The following NFIX variants were observed in gnomAD, a reference collection of about 807,000 sequenced individuals.
The protein encoded by NFIX is nuclear factor 1 X-type.
A neutral mutation model predicts 53.3 loss-of-function variants in NFIX; 2 were observed. The observed-to-expected ratio is 0.04, with a 90% confidence interval of 0.02 to 0.12. The LOEUF (loss-of-function observed/expected upper bound fraction) is 0.12. NFIX is among the 10% of genes least tolerant of loss of function. The pLI is 1.00. For missense variants in NFIX, 310 were observed against 674.5 expected (o/e 0.46, Z 5.99); for synonymous variants, 244 against 289.0 (o/e 0.84, Z 1.58).
At position 13,066,891 on chromosome 19, in the gene NFIX, C is replaced by T. The variant is rs1343174090; in HGVS notation, c.560-6156C>T. Among the ~76,000 whole-genome samples the T allele has an allele frequency of 6.6e-6, 1 of 152,182 alleles. No individual in the cohort carries two copies. The highest frequency in any genetic ancestry group is 1.5e-5 in the Non-Finnish European group (1 of 68,018). The stretch of plus-strand genomic sequence containing the variant: ...CCCGGCCCTCTGGCTGCCCTGCATT[C>T]TCAAGGACTTCCTTGGTCCCCTGAG... On this transcript the variant is annotated intron_variant, in intron 2 of 10. Coordinates refer to ENST00000592199, the MANE Select transcript of NFIX (RefSeq NM_001365902.3). The surrounding 1 kb of genome is among the most constrained non-coding windows in gnomAD (Gnocchi z 4.2).
At chr19:13,048,479 T>G (rs1394110752) in intron 2 of NFIX, among the ~76,000 whole-genome samples, 1 of 150,288 alleles carries the variant, frequency 6.7e-6, no homozygotes, top group East Asian at 1.9e-4. Context: ...CTCCTCTCTG[T>G]TGTATTTTTT....
chr19:13,031,916 GGAA>G (rs1196312744), intron 2 of NFIX, among the ~76,000 whole-genome samples: 1 of 152,062 alleles, frequency 6.6e-6, no homozygotes, highest in Admixed American at 6.5e-5. Context: ...TTCTGCCTAG[GGAA>G]GAAGGTGACT....
Position 13,052,346 on chromosome 19 carries a change from C to T in NFIX, c.560-20701C>T, listed in dbSNP as rs144213688. Reference sequence around the variant, plus strand: ...GAGACAGAGGCACACTGCTGGCCATCTAGGCTGGGGGTAGAGCCCAGATGG... The same window carrying T: ...GAGACAGAGGCACACTGCTGGCCATTTAGGCTGGGGGTAGAGCCCAGATGG... On this transcript the variant is annotated intron_variant, in intron 2 of 10. Transcript: ENST00000592199. The surrounding 1 kb of genome is among the most constrained non-coding windows in gnomAD (Gnocchi z 5.2). Among the ~76,000 whole-genome samples the T allele has an allele frequency of 0.028, 4,278 of 152,262 alleles. 70 individuals carry two copies. Among genetic ancestry groups the T allele is most frequent in the Middle Eastern group, 0.082 (24 of 294 alleles).
intron 2 of NFIX, among the ~76,000 whole-genome samples, chr19:13,032,321 G>T (rs924220822): frequency 2.0e-5 from 3 of 152,174 alleles, no homozygotes; most frequent in African/African-American, 7.2e-5. Context: ...ACAGGAGGAG[G>T]TGTAGGGGTT....
At chr19:13,063,498 G>A (rs11085829) in intron 2 of NFIX, among the ~76,000 whole-genome samples, 72,253 of 150,372 alleles carry the variant, frequency 0.48, 19,844 homozygotes, top group African/African-American at 0.74. Context: ...TTTTTTCTTC[G>A]CCCAAAGGAA....
chr19:13,003,995 G>T (rs1017872562), intron 1 of NFIX, among the ~76,000 whole-genome samples: 5 of 152,058 alleles, frequency 3.3e-5, no homozygotes, highest in Admixed American at 1.3e-4. Flanking sequence ...GGCTGGTTTT[G>T]AATTCCTGGG....
chr19:13,088,197 T>C lies in NFIX; in HGVS notation c.1402+61T>C. 3 of 1,518,866 alleles carry C rather than the reference T, an allele frequency of 2.0e-6. No homozygotes were observed. The highest frequency in any genetic ancestry group is 2.6e-6 in the Non-Finnish European group (3 of 1,135,338). 94.1% of individuals were successfully genotyped at this position (1,518,866 alleles called of 1,614,324 possible). ...GCGTCCCCGGCCCGTCCAAACAGTCTCCACTGCAAAAAGAAAAGCCTTCCC... is the reference window on the plus strand; with the variant it reads ...GCGTCCCCGGCCCGTCCAAACAGTCCCCACTGCAAAAAGAAAAGCCTTCCC... On this transcript the variant is annotated intron_variant, in intron 9 of 10. Transcript: ENST00000592199. This position sits in a 1 kb window ranked among gnomAD's most constrained non-coding sequence, Gnocchi z 5.9.
At position 13,090,677 on chromosome 19, in the gene NFIX, G is replaced by C. The variant is rs1215804383; in HGVS notation, c.1494+287G>C. ...TCTAGAGGCCCTCTGGGCCAGGCCT[G>C]GTAGAAGCAAAGATGGAAGCCTGAG... On this transcript the variant is annotated intron_variant, in intron 10 of 10. Coordinates refer to ENST00000592199, the MANE Select transcript of NFIX (RefSeq NM_001365902.3). The surrounding 1 kb of genome is among the most constrained non-coding windows in gnomAD (Gnocchi z 6.6). 6.6e-6 allele frequency among the ~76,000 whole-genome samples: 1 copy of C among 152,240 alleles called. No individual in the cohort carries two copies. The highest frequency in any genetic ancestry group is 2.4e-5 in the African/African-American group (1 of 41,458).
chr19:13,071,460 A>C (rs1177614613), intron 2 of NFIX: 6 of 152,216 alleles, frequency 3.9e-5, no homozygotes, highest in Non-Finnish European at 8.8e-5. Flanking sequence ...CCACTAACAA[A>C]GAGATGGCTC....
At chr19:13,023,551 G>A (rs552682466) in intron 1 of NFIX, among the ~76,000 whole-genome samples, 1 of 151,888 alleles carries the variant, frequency 6.6e-6, no homozygotes, top group East Asian at 1.9e-4. Flanking sequence ...TGTTTTGCAC[G>A]GGGGTGGGGT....
At chr19:13,056,769 G>A (rs932211313) in intron 2 of NFIX, among the ~76,000 whole-genome samples, 1 of 152,204 alleles carries the variant, frequency 6.6e-6, no homozygotes, top group Non-Finnish European at 1.5e-5. Context: ...CAAACTCAGG[G>A]CACCTTGTTC....
At chr19:13,026,022 G>A (rs2013316293) in intron 2 of NFIX, among the ~76,000 whole-genome samples, 1 of 152,308 alleles carries the variant, frequency 6.6e-6, no homozygotes, top group South Asian at 2.1e-4. Context: ...CAAGCGGGAT[G>A]GGCAGGAGTC....
Position 13,014,556 on chromosome 19 carries a change from T to C in NFIX, c.28-10465T>C, listed in dbSNP as rs2012555266. 1.3e-5 allele frequency: 2 copies of C among 152,386 alleles called. No individual in the cohort carries two copies. The highest frequency in any genetic ancestry group is 2.9e-5 in the Non-Finnish European group (2 of 68,048). 9.4% of individuals were successfully genotyped at this position (152,386 alleles called of 1,614,324 possible). ...TCTAGAGATCGCCTGCTCAGAGGGC[T>C]CAGATCCCTTGTCATATTTTAAATT... On this transcript the variant is annotated intron_variant, in intron 1 of 10. Coordinates refer to ENST00000592199, the MANE Select transcript of NFIX (RefSeq NM_001365902.3). This position sits in a 1 kb window ranked among gnomAD's most constrained non-coding sequence, Gnocchi z 4.4.
At chr19:13,017,245 A>AC (rs890611335) in intron 1 of NFIX, among the ~76,000 whole-genome samples, 5 of 151,718 alleles carry the variant, frequency 3.3e-5, no homozygotes, top group African/African-American at 9.7e-5. Context: ...TCCTCAAAGC[A>AC]CCCCCGGTGT....
Position 13,036,464 on chromosome 19 carries a change from T to C in NFIX, c.559+10912T>C, listed in dbSNP as rs1460705483. ...CCAGAGAGGGCTTTGCGGTTGAGTC[T>C]GCCAGTCTGGAGAAGGCTGCTCTCC... On this transcript the variant is annotated intron_variant, in intron 2 of 10. Coordinates refer to ENST00000592199, the MANE Select transcript of NFIX (RefSeq NM_001365902.3). This position sits in a 1 kb window ranked among gnomAD's most constrained non-coding sequence, Gnocchi z 4.7. Among the ~76,000 whole-genome samples the C allele has an allele frequency of 6.6e-6, 1 of 152,056 alleles. No individual in the cohort carries two copies. Among genetic ancestry groups the C allele is most frequent in the Non-Finnish European group, 1.5e-5 (1 of 68,006 alleles).
At chr19:13,026,827 G>A (rs529518500) in intron 2 of NFIX, among the ~76,000 whole-genome samples, 1 of 151,706 alleles carries the variant, frequency 6.6e-6, no homozygotes, top group Admixed American at 6.6e-5. Context: ...CTCTCTTTAT[G>A]CGAATTTGAG....
chr19:13,045,980 G>A lies in NFIX; in HGVS notation c.559+20428G>A, dbSNP rs778787021. Among the ~76,000 whole-genome samples the A allele has an allele frequency of 6.6e-6, 1 of 152,186 alleles. No homozygotes were observed. The highest frequency in any genetic ancestry group is 1.5e-5 in the Non-Finnish European group (1 of 68,036). ...ACACTCTCCAGCTTCCATCTTGCAA[G>A]GACACAGGCCCCACCCTGGCTTCTC... On this transcript the variant is annotated intron_variant, in intron 2 of 10. Coordinates refer to ENST00000592199, the MANE Select transcript of NFIX (RefSeq NM_001365902.3). The surrounding 1 kb of genome is among the most constrained non-coding windows in gnomAD (Gnocchi z 4.4).
Position 13,027,718 on chromosome 19 carries a change from G to C in NFIX, c.559+2166G>C, listed in dbSNP as rs2145203690. Among the ~76,000 whole-genome samples, 1 of 152,258 alleles carries C rather than the reference G, an allele frequency of 6.6e-6. No individual in the cohort carries two copies. The highest frequency in any genetic ancestry group is 2.4e-5 in the African/African-American group (1 of 41,534). ...ATGTGAGGAAGCAGACCGTTTCCTG[G>C]CCAGAAGAAAGGCCCCACCATGCCT... On this transcript the variant is annotated intron_variant, in intron 2 of 10. Coordinates refer to ENST00000592199, the MANE Select transcript of NFIX (RefSeq NM_001365902.3). This position sits in a 1 kb window ranked among gnomAD's most constrained non-coding sequence, Gnocchi z 4.3.
chr19:13,091,725 C>A (rs1478944211), intron 10 of NFIX, among the ~76,000 whole-genome samples: 1 of 152,156 alleles, frequency 6.6e-6, no homozygotes, highest in Non-Finnish European at 1.5e-5. Context: ...GGACAGCAGG[C>A]GGGCCTCCCC....
Sources: gnomAD v4.1 joint callset for allele counts (sites outside exome capture counted in the v4.1 genomes callset) on GRCh38, gnomAD v4.1.1 for gene constraint, Gnocchi (gnomAD v3.1) non-coding constraint, MANE v1.5 for transcripts, NCBI Gene and HGNC (gene_info 2026-07-23, HGNC 2026-07-21) for gene names.